Variants in CYTH3 observed in about 807,000 individuals in gnomAD.
CYTH3 encodes cytohesin-3.
Under a neutral mutation model 55.1 loss-of-function variants are expected in CYTH3, and 23 were observed. The observed-to-expected ratio is 0.42, with a 90% confidence interval of 0.30 to 0.59. CYTH3 has a LOEUF of 0.59. CYTH3 is among the 20% of genes least tolerant of loss of function. CYTH3 has a pLI of 0.20. For missense variants in CYTH3, 413 were observed against 524.8 expected, an observed-to-expected ratio of 0.79 and a Z score of 2.08; for synonymous variants, 249 against 194.9, an observed-to-expected ratio of 1.28 and a Z score of -2.31.
At chr7:6,174,542 T>TA (rs1783287701) in intron 5 of CYTH3, among the ~76,000 whole-genome samples, 1 of 138,934 alleles carries the variant, frequency 7.2e-6, no homozygotes, top group African/African-American at 2.7e-5. Flanking sequence ...CTTGTGGGTT[T>TA]TTTTTTTTTT....
intron 4 of CYTH3, among the ~76,000 whole-genome samples, chr7:6,181,492 C>T (rs548211677): frequency 1.5e-3 from 229 of 152,064 alleles, no homozygotes; most frequent in African/African-American, 5.4e-3. Flanking sequence ...GCTTGCTGTG[C>T]TCCTCATTTC....
At chr7:6,218,946 A>G (rs7811590) in intron 1 of CYTH3, among the ~76,000 whole-genome samples, 9,080 of 143,592 alleles carry the variant, frequency 0.063, 636 homozygotes, top group African/African-American at 0.18. Flanking sequence ...CGGAGGTTGC[A>G]GTGAGCCGAC....
chr7:6,240,499 T>C (rs541136490), intron 1 of CYTH3, among the ~76,000 whole-genome samples: 39 of 152,214 alleles, frequency 2.6e-4, no homozygotes, highest in Non-Finnish European at 4.7e-4. Context: ...CATGTCATGC[T>C]GGCATCTGAA....
intron 1 of CYTH3, among the ~76,000 whole-genome samples, chr7:6,209,160 C>T (rs928022065): frequency 2.0e-5 from 3 of 152,238 alleles, no homozygotes; most frequent in Admixed American, 6.5e-5. Flanking sequence ...ACTAGCTCTG[C>T]GCCTTTAGGC....
At position 6,182,445 on chromosome 7, in the gene CYTH3, C is replaced by T. The variant is rs117092395; in HGVS notation, c.250-4504G>A. ...CTCACCGCAGCCTCAAACTCCTGGG[C>T]TGAAGCAATCCTTCTGCCTTAGCCT... On this transcript the variant is annotated intron_variant, in intron 4 of 12. Coordinates refer to ENST00000350796, the MANE Select transcript of CYTH3 (RefSeq NM_004227.4). Among the ~76,000 whole-genome samples, 175 of 152,340 alleles carry T rather than the reference C, an allele frequency of 1.1e-3. 6 individuals are homozygous for T. In the East Asian group the frequency reaches 0.029, roughly 25 times the overall value.
chr7:6,211,341 AAGC>A (rs1784315107), intron 1 of CYTH3, among the ~76,000 whole-genome samples: 1 of 152,238 alleles, frequency 6.6e-6, no homozygotes, highest in South Asian at 2.1e-4. Flanking sequence ...AGTGTTTTGG[AAGC>A]AGAACAGAAT....
At chr7:6,191,530 T>C (rs748421273) in intron 1 of CYTH3, among the ~76,000 whole-genome samples, 14 of 151,378 alleles carry the variant, frequency 9.2e-5, no homozygotes, top group Admixed American at 4.6e-4. Context: ...GGGGAAACGC[T>C]ACACAATTTT....
chr7:6,244,516 G>A (rs1290707278), intron 1 of CYTH3, among the ~76,000 whole-genome samples: 1 of 152,142 alleles, frequency 6.6e-6, no homozygotes, highest in Non-Finnish European at 1.5e-5. Flanking sequence ...CCATGCTGGA[G>A]AGCAGTGGCA....
At chr7:6,259,770 TATTATATATATATAATA>T (rs1370730009) in intron 1 of CYTH3, among the ~76,000 whole-genome samples, 1 of 22,688 alleles carries the variant, frequency 4.4e-5, no homozygotes, top group Non-Finnish European at 6.0e-5. Flanking sequence ...TATATATATA[TATTATATATATATAATA>T]TATATATATA....
rs974448284 is a variant in CYTH3 at position 6,163,365 on chromosome 7, T to G, written c.*1579A>C. 1.3e-5 allele frequency: 2 copies of G among 152,616 alleles called. No individual in the cohort carries two copies. Among genetic ancestry groups the G allele is most frequent in the African/African-American group, 2.4e-5 (1 of 41,464 alleles). The allele number at this position is 152,616 out of a possible 1,614,324, so 9.5% of individuals were successfully genotyped here. A position where few individuals can be genotyped will look rare whatever the true frequency, so the allele number is the denominator to read the frequency against. On this transcript the variant is annotated 3_prime_UTR_variant, in exon 13 of 13. Coordinates refer to ENST00000350796, the MANE Select transcript of CYTH3 (RefSeq NM_004227.4). ...CTCCAGAGGGTGCAGATTCAAGGTG[T>G]GTGTGCCTATGCAGGTGGGGCAGGA...
At chr7:6,190,402 G>C (rs1783771466) in intron 2 of CYTH3, 47 bp downstream of exon 2, 1 of 1,329,862 alleles carries the variant, frequency 7.5e-7, no homozygotes, top group Non-Finnish European at 9.7e-7. Context: ...TTACTCAAAA[G>C]CAAAAAACAG....
At chr7:6,245,670 C>T (rs1779794443) in intron 1 of CYTH3, among the ~76,000 whole-genome samples, 1 of 152,166 alleles carries the variant, frequency 6.6e-6, no homozygotes, top group Admixed American at 6.5e-5. Flanking sequence ...TTCGGGAGGC[C>T]GAGGCAGGCG....
intron 9 of CYTH3, among the ~76,000 whole-genome samples, chr7:6,168,219 ATTTTTTTTT>A: frequency 8.2e-6 from 1 of 121,620 alleles, no homozygotes; most frequent in East Asian, 2.3e-4. Context: ...ACCTCCTAGG[ATTTTTTTTT>A]TTTTTTTTTT....
At chr7:6,217,489 A>G (rs1280009179) in intron 1 of CYTH3, among the ~76,000 whole-genome samples, 3 of 152,212 alleles carry the variant, frequency 2.0e-5, no homozygotes, top group Admixed American at 6.5e-5. Context: ...CAGATACTAT[A>G]TAATGATCCA....
intron 4 of CYTH3, among the ~76,000 whole-genome samples, chr7:6,180,383 T>C (rs1783476493): frequency 6.6e-6 from 1 of 152,196 alleles, no homozygotes; most frequent in Admixed American, 6.5e-5. Context: ...ACAGAAGCTC[T>C]GCGTTCAATC....
rs377416706 is a variant in CYTH3, at chr7:6,190,428, GTTTT to G, written c.117+17_117+20del. 1,340 of 1,257,926 alleles carry G rather than the reference GTTTT, an allele frequency of 1.1e-3. No homozygotes were observed. The highest frequency in any genetic ancestry group is 2.2e-3 in the Admixed American group (52 of 24,046). 77.9% of individuals were successfully genotyped at this position (1,257,926 alleles called of 1,614,324 possible). On this transcript the variant is annotated intron_variant, in intron 2 of 12. Coordinates refer to ENST00000350796, the MANE Select transcript of CYTH3 (RefSeq NM_004227.4). ...CAAAAAACAGAGTTTTGGATTTTTG[GTTTT>G]TTTTTTTTTTTTTTACCTCAATGTC... is the stretch of plus-strand genomic sequence containing the variant.
intron 1 of CYTH3, among the ~76,000 whole-genome samples, chr7:6,196,532 T>A (rs1160971052): frequency 6.8e-6 from 1 of 147,332 alleles, no homozygotes; most frequent in Non-Finnish European, 1.5e-5. Context: ...CAATCTCAGC[T>A]CACTGCAACC....
chr7:6,241,679 G>C (rs555336454), intron 1 of CYTH3, among the ~76,000 whole-genome samples: 16 of 152,058 alleles, frequency 1.1e-4, no homozygotes, highest in African/African-American at 3.9e-4. Flanking sequence ...TAAATAAACC[G>C]ATCCATTAGC....
intron 1 of CYTH3, among the ~76,000 whole-genome samples, chr7:6,249,979 G>T (rs564858978): frequency 2.7e-4 from 41 of 152,164 alleles, no homozygotes; most frequent in Non-Finnish European, 5.4e-4. Context: ...TCTTACAAAT[G>T]CAAGACTGTA....
Sources: gnomAD v4.1 joint callset for allele counts (sites outside exome capture counted in the v4.1 genomes callset) on GRCh38, gnomAD v4.1.1 for gene constraint, MANE v1.5 for transcripts, NCBI Gene and HGNC (gene_info 2026-07-23, HGNC 2026-07-21) for gene names.